The following SYNPR variants were observed in gnomAD, a reference collection of about 807,000 sequenced individuals.
The protein encoded by SYNPR is synaptoporin.
Under a neutral mutation model 32.9 loss-of-function variants are expected in SYNPR, and 23 were observed. That is an observed-to-expected ratio of 0.70 (90% CI 0.50 to 0.99). The LOEUF is 0.99. Ranked by LOEUF, SYNPR falls within the 50% of genes least tolerant of loss-of-function variation. The probability of loss-of-function intolerance (pLI) is 0.00; values close to 1 mark genes in which losing one functional copy is unlikely to be tolerated. For synonymous variants in SYNPR, 146 were observed against 135.9 expected (o/e 1.07, Z -0.52); for missense variants, 318 against 349.3 (o/e 0.91, Z 0.71).
chr3:63,477,824 C>T (rs1157247368), intron 2 of SYNPR, among the ~76,000 whole-genome samples: 2 of 152,206 alleles, frequency 1.3e-5, no homozygotes, highest in Non-Finnish European at 2.9e-5. Context: ...CCATGTTGGG[C>T]CCAAGAGCAT....
At chr3:63,389,398 C>T (rs570200074) in intron 2 of SYNPR, among the ~76,000 whole-genome samples, 1 of 152,190 alleles carries the variant, frequency 6.6e-6, no homozygotes, top group African/African-American at 2.4e-5. Context: ...CAGGCAGGCT[C>T]TCCCAACGAT....
chr3:63,497,580 C>T (rs548429125), intron 3 of SYNPR, among the ~76,000 whole-genome samples: 1 of 149,932 alleles, frequency 6.7e-6, no homozygotes, highest in Non-Finnish European at 1.5e-5. Flanking sequence ...TCAGTGTGAA[C>T]CACCATCTTT....
chr3:63,372,482 C>T (rs936859799), intron 2 of SYNPR, among the ~76,000 whole-genome samples: 63 of 152,316 alleles, frequency 4.1e-4, no homozygotes, highest in African/African-American at 1.3e-3. Flanking sequence ...TTAACCATGA[C>T]TCCAGCAAGC....
At chr3:63,570,414 G>A (rs538699461) in intron 4 of SYNPR, among the ~76,000 whole-genome samples, 14 of 152,282 alleles carry the variant, frequency 9.2e-5, no homozygotes, top group Admixed American at 2.0e-4. Flanking sequence ...CCTCCTAAGC[G>A]TTCACATGCT....
At chr3:63,478,769 C>T (rs1028113308) in intron 2 of SYNPR, among the ~76,000 whole-genome samples, 2 of 152,130 alleles carry the variant, frequency 1.3e-5, no homozygotes, top group Non-Finnish European at 1.5e-5. Flanking sequence ...AACTTGGAGA[C>T]AGAAAGGGCT....
intron 4 of SYNPR, chr3:63,561,566 C>A (rs1399732040): frequency 6.6e-6 from 1 of 151,796 alleles, no homozygotes; most frequent in Non-Finnish European, 1.5e-5. Flanking sequence ...AGCTCATAAT[C>A]CCTAGGCTCT....
rs569266880 is a variant in SYNPR, at chr3:63,405,293, G to A, written c.85-75539G>A. ...GTGGTCTAACAGAAGAAATACGTGA[G>A]GCTATGAAACCACAAGGAAAACACA... On this transcript the variant is annotated intron_variant, in intron 2 of 5. Coordinates refer to ENST00000478300, the MANE Select transcript of SYNPR (RefSeq NM_001130003.2). Among the ~76,000 whole-genome samples, 13 of 152,236 alleles carry A rather than the reference G, an allele frequency of 8.5e-5. 1 individual carries two copies. In the South Asian group the frequency reaches 2.7e-3, roughly 32 times the overall value.
intron 3 of SYNPR, among the ~76,000 whole-genome samples, chr3:63,270,611 A>T (rs1207278500): frequency 2.6e-5 from 4 of 152,176 alleles, no homozygotes; most frequent in African/African-American, 9.7e-5. Context: ...AAATTTGTTC[A>T]AATTCTTGAG....
upstream of SYNPR, among the ~76,000 whole-genome samples, chr3:63,224,429 T>C (rs967903880): frequency 2.0e-5 from 3 of 152,176 alleles, no homozygotes; most frequent in Admixed American, 6.5e-5. Flanking sequence ...TGGGGACCAC[T>C]GTGATAGAAG....
chr3:63,379,196 T>A (rs889641804), intron 2 of SYNPR, among the ~76,000 whole-genome samples: 2 of 152,120 alleles, frequency 1.3e-5, no homozygotes, highest in African/African-American at 4.8e-5. Context: ...TTTGTTGAGT[T>A]TTGTTTTATG....
intron 2 of SYNPR, among the ~76,000 whole-genome samples, chr3:63,336,705 G>T (rs1468724808): frequency 6.6e-6 from 1 of 151,726 alleles, no homozygotes; most frequent in African/African-American, 2.4e-5. Flanking sequence ...ATGATTATTA[G>T]ATACATCACC....
intron 2 of SYNPR, among the ~76,000 whole-genome samples, chr3:63,365,290 A>C (rs2087717389): frequency 1.3e-5 from 2 of 152,174 alleles, no homozygotes; most frequent in African/African-American, 4.8e-5. Flanking sequence ...TATAGTTTCA[A>C]ACTTGAAGGT....
intron 3 of SYNPR, among the ~76,000 whole-genome samples, chr3:63,494,406 T>TACACACACAC (rs1553641138): frequency 4.2e-5 from 5 of 118,680 alleles, no homozygotes; most frequent in African/African-American, 1.8e-4. Context: ...TATATATATA[T>TACACACACAC]ATATATATAT....
At chr3:63,533,715 T>C (rs769950865) in intron 3 of SYNPR, among the ~76,000 whole-genome samples, 2 of 152,186 alleles carry the variant, frequency 1.3e-5, no homozygotes, top group Non-Finnish European at 2.9e-5. Context: ...TGCATTGTTA[T>C]AGGCATGATT....
At chr3:63,479,281 G>A (rs1018941114) in intron 2 of SYNPR, among the ~76,000 whole-genome samples, 3 of 152,128 alleles carry the variant, frequency 2.0e-5, no homozygotes, top group African/African-American at 4.8e-5. Flanking sequence ...AGTAATATTC[G>A]TTAACATTGA....
intron 2 of SYNPR, among the ~76,000 whole-genome samples, chr3:63,262,803 G>A (rs2106901902): frequency 6.6e-6 from 1 of 152,270 alleles, no homozygotes. Flanking sequence ...GATATGGATT[G>A]CCTAGCTGAG....
chr3:63,320,165 G>A (rs1462163260), intron 2 of SYNPR, among the ~76,000 whole-genome samples: 1 of 151,934 alleles, frequency 6.6e-6, no homozygotes, highest in Non-Finnish European at 1.5e-5. Context: ...TGTCCAGGAT[G>A]GTCTAGAACT....
chr3:63,402,788 G>A (rs1423945682), intron 2 of SYNPR, among the ~76,000 whole-genome samples: 4 of 152,204 alleles, frequency 2.6e-5, no homozygotes, highest in Non-Finnish European at 4.4e-5. Flanking sequence ...GCAGCTGGAG[G>A]AATATTTGTT....
At chr3:63,443,181 T>G in intron 2 of SYNPR, 1 of 1,235,798 alleles carries the variant, frequency 8.1e-7, no homozygotes, top group Non-Finnish European at 1.0e-6. Context: ...CAGAGGGGAG[T>G]ATCAGGTTCC....
Sources: gnomAD v4.1 joint callset for allele counts (sites outside exome capture counted in the v4.1 genomes callset) on GRCh38, gnomAD v4.1.1 for gene constraint, MANE v1.5 for transcripts, NCBI Gene and HGNC (gene_info 2026-07-23, HGNC 2026-07-21) for gene names.